SMG7: variants seen among roughly 807,000 people sequenced by gnomAD.
SMG7 encodes the protein SMG7 nonsense mediated mRNA decay factor, also known as nonsense-mediated mRNA decay factor SMG7.
Under a neutral mutation model 148.2 loss-of-function variants are expected in SMG7, and 34 were observed. The observed-to-expected ratio is 0.23, with a 90% CI of 0.17 to 0.31. SMG7 has a LOEUF of 0.31. Among genes scored for constraint, SMG7 ranks in the 10% least tolerant of loss-of-function variants. The probability of loss-of-function intolerance (pLI) is 1.00; values close to 1 mark genes in which losing one functional copy is unlikely to be tolerated. For synonymous variants in SMG7, 492 were observed against 515.1 expected, an observed-to-expected ratio of 0.96 and a Z score of 0.61; for missense variants, 1,114 against 1,408.4, an observed-to-expected ratio of 0.79 and a Z score of 3.35.
intron 4 of SMG7, among the ~76,000 whole-genome samples, chr1:183,524,458 A>T (rs1407040276): frequency 6.6e-6 from 1 of 152,106 alleles, no homozygotes; most frequent in East Asian, 1.9e-4. Context: ...TTTCTTGCCC[A>T]TTACAAATGT....
At chr1:183,551,281 C>T (rs924460933) in intron 22 of SMG7, 91 bp downstream of exon 22, 6 of 1,323,610 alleles carry the variant, frequency 4.5e-6, no homozygotes, top group South Asian at 1.6e-5. Flanking sequence ...TTCTCAGGCC[C>T]TCGGAGTTGA....
In SMG7 at chr1:183,547,023, C is replaced by T. The variant is rs1670043399; in HGVS notation, c.2743-80C>T. 3.7e-6 allele frequency: 5 copies of T among 1,365,504 alleles called. No individual in the cohort carries two copies. The Admixed American group carries it at 7.7e-5, about 21-fold the overall frequency. The allele number at this position is 1,365,504 out of a possible 1,614,324, so 84.6% of individuals were successfully genotyped here. Reference sequence around the variant, plus strand: ...CTATCCCCTTGACTTTAGTTGTCTTCTTCCACCTAATTATGCTACTATTCC... The same window carrying T: ...CTATCCCCTTGACTTTAGTTGTCTTTTTCCACCTAATTATGCTACTATTCC... On this transcript the variant is annotated intron_variant, in intron 17 of 22. Coordinates refer to ENST00000688051, the MANE Select transcript of SMG7 (RefSeq NM_001375584.1).
chr1:183,519,905 A>G (rs971217134), intron 4 of SMG7, among the ~76,000 whole-genome samples: 1 of 152,190 alleles, frequency 6.6e-6, no homozygotes, highest in East Asian at 1.9e-4. Context: ...GAAAGTTTAA[A>G]TACTGTTGAC....
chr1:183,531,747 G>A (rs947993493), intron 8 of SMG7, among the ~76,000 whole-genome samples: 6 of 152,172 alleles, frequency 3.9e-5, no homozygotes, highest in East Asian at 1.9e-4. Context: ...TAATGCCAGC[G>A]GATTTATAGA....
intron 1 of SMG7, among the ~76,000 whole-genome samples, chr1:183,483,387 A>T (rs1316019551): frequency 1.3e-5 from 2 of 152,178 alleles, no homozygotes; most frequent in Non-Finnish European, 2.9e-5. Flanking sequence ...TCTTTGAGAT[A>T]CTGTACAGTA....
chr1:183,502,874 C>G (rs1334543880), intron 1 of SMG7, among the ~76,000 whole-genome samples: 8 of 152,182 alleles, frequency 5.3e-5, no homozygotes. Context: ...TAGAGAAGCC[C>G]TCTTGTACAT....
At chr1:183,497,556 A>G (rs1208486678) in intron 1 of SMG7, among the ~76,000 whole-genome samples, 1 of 152,054 alleles carries the variant, frequency 6.6e-6, no homozygotes, top group Non-Finnish European at 1.5e-5. Context: ...AATTTGTTAA[A>G]TTATTTTTTA....
intron 2 of SMG7, among the ~76,000 whole-genome samples, chr1:183,515,594 G>A (rs1450041459): frequency 6.6e-6 from 1 of 150,884 alleles, no homozygotes; most frequent in African/African-American, 2.5e-5. Context: ...AAAAGCAAAG[G>A]GCAAACCATT....
chr1:183,485,584 C>T (rs1469767230), intron 1 of SMG7, among the ~76,000 whole-genome samples: 1 of 152,124 alleles, frequency 6.6e-6, no homozygotes, highest in Admixed American at 6.5e-5. Context: ...TCCTAGAACA[C>T]TGGGGAATAT....
intron 4 of SMG7, among the ~76,000 whole-genome samples, chr1:183,519,748 A>G (rs1456346463): frequency 1.3e-5 from 2 of 152,108 alleles, no homozygotes; most frequent in African/African-American, 4.8e-5. Context: ...CACACTATAT[A>G]TCCATTTTTG....
chr1:183,514,355 C>A (rs1056741063), intron 2 of SMG7, among the ~76,000 whole-genome samples: 21 of 152,184 alleles, frequency 1.4e-4, no homozygotes, highest in African/African-American at 4.8e-4. Flanking sequence ...CTCGTGTCAT[C>A]TTGTTCAAGG....
rs887113745 is a variant in SMG7 at position 183,505,548 on chromosome 1, T to TCAC, written c.30-7289_30-7288insCAC. ...CTCTCATGGTTTTAACTGCCATCAA[T>TCAC]GTACTGATCACGTCAGTGCTGTATC... is the stretch of plus-strand genomic sequence containing the variant. On this transcript the variant is annotated intron_variant, in intron 1 of 22. Coordinates refer to ENST00000688051, the MANE Select transcript of SMG7 (RefSeq NM_001375584.1). 1.4e-3 allele frequency among the ~76,000 whole-genome samples: 216 copies of TCAC among 152,364 alleles called. 2 individuals are homozygous for TCAC. The highest frequency in any genetic ancestry group is 5.0e-3 in the African/African-American group (209 of 41,590).
rs1558063671 is a variant in SMG7 at position 183,546,262 on chromosome 1, CAT to C, written c.2669_2670del (p.Ile890ArgfsTer24). 6.2e-7 allele frequency: 1 copy of C among 1,613,906 alleles called. No homozygotes were observed. Among genetic ancestry groups the C allele is most frequent in the African/African-American group, 1.3e-5 (1 of 74,908 alleles). On this transcript the variant is annotated frameshift_variant, in exon 17 of 23. Transcript: ENST00000688051. LOFTEE classifies it high-confidence loss of function. ...NRSVMAQQANIDRRGKRSPGV... is the reference protein window; with the variant it reads ...NRSVMAQQANXDRRGKRSPGV... ...GATCTGTAATGGCACAGCAAGCAAA[CAT>C]AGACCGCAGGGGCAAACGGTCACCA...
At chr1:183,512,752 T>A in intron 1 of SMG7, 85 bp from the exon 2 acceptor site, 1 of 1,285,670 alleles carries the variant, frequency 7.8e-7, no homozygotes, top group Non-Finnish European at 1.1e-6. Flanking sequence ...TGATTTCACC[T>A]AACTTTTAGT....
intron 16 of SMG7, 140 bp from the exon 17 acceptor site, chr1:183,545,826 A>G: frequency 1.1e-6 from 1 of 936,840 alleles, no homozygotes; most frequent in Non-Finnish European, 1.6e-6. Flanking sequence ...TGAATAGCCC[A>G]AAAGGTAAAG....
At chr1:183,526,826 T>G in intron 5 of SMG7, 59 bp downstream of exon 5, 1 of 1,423,910 alleles carries the variant, frequency 7.0e-7, no homozygotes, top group Non-Finnish European at 9.6e-7. Flanking sequence ...GGAATAGTCA[T>G]AGAAAGAAAC....
In SMG7 at chr1:183,543,315, G is replaced by C. The variant is rs188214325; in HGVS notation, c.1842+813G>C. Reference sequence around the variant, plus strand: ...GTGTTTGCATGAGAAACTTTACATTGTTGAAGGCTGCTTACAAATAAATAG... The same window carrying C: ...GTGTTTGCATGAGAAACTTTACATTCTTGAAGGCTGCTTACAAATAAATAG... On this transcript the variant is annotated intron_variant, in intron 14 of 22. Transcript: ENST00000688051. Among the ~76,000 whole-genome samples the C allele has an allele frequency of 2.0e-5, 3 of 152,238 alleles. No homozygotes were observed. In the South Asian group the frequency reaches 6.2e-4, roughly 32 times the overall value.
intron 10 of SMG7, among the ~76,000 whole-genome samples, chr1:183,534,125 C>T (rs1448933037): frequency 6.6e-6 from 1 of 152,094 alleles, no homozygotes; most frequent in Non-Finnish European, 1.5e-5. Context: ...TGAAGTAAAA[C>T]CAGTTTGTTT....
rs539151943 is a variant in SMG7 at position 183,546,320 on chromosome 1, C to A, written c.2725C>A (p.Pro909Thr). Residue 909 changes from proline to threonine, a missense_variant, in exon 17 of 23, where the codon CCC becomes ACC. Coordinates refer to ENST00000688051, the MANE Select transcript of SMG7 (RefSeq NM_001375584.1). Reference sequence around the variant, plus strand: ...CTTCCGTCCAGAGCAGGATCCTGTACCCAGAATGCCGTTTGAGGTGTGTGT... The same window carrying A: ...CTTCCGTCCAGAGCAGGATCCTGTAACCAGAATGCCGTTTGAGGTGTGTGT... ...GVFRPEQDPV[P>T]RMPFEDPKSS... 1 of 1,611,622 alleles carries A rather than the reference C, an allele frequency of 6.2e-7. No homozygotes were observed. Among genetic ancestry groups the A allele is most frequent in the South Asian group, 1.1e-5 (1 of 90,938 alleles).
Sources: allele counts gnomAD v4.1 joint callset (sites outside exome capture counted in the v4.1 genomes callset), GRCh38; gene constraint gnomAD v4.1.1; transcripts MANE v1.5; gene names NCBI Gene and HGNC (gene_info 2026-07-23, HGNC 2026-07-21).